Variants in CSMD3 observed in about 807,000 individuals in gnomAD.
CSMD3 encodes the protein CUB and sushi domain-containing protein 3.
In CSMD3, 177 loss-of-function variants were observed where a neutral mutation model predicts 435.2. That is an observed-to-expected ratio of 0.41 (90% CI 0.36 to 0.46). The LOEUF (loss-of-function observed/expected upper bound fraction) is 0.46. Among genes scored for constraint, CSMD3 ranks in the 20% least tolerant of loss-of-function variants. The pLI is 0.34. For synonymous variants in CSMD3, 1,656 were observed against 1,520.5 expected, an observed-to-expected ratio of 1.09 and a Z score of -2.07; for missense variants, 4,265 against 4,504.6, an observed-to-expected ratio of 0.95 and a Z score of 1.52.
intron 1 of CSMD3, among the ~76,000 whole-genome samples, chr8:113,337,532 T>A (rs1382775302): frequency 6.6e-6 from 1 of 152,128 alleles, no homozygotes; most frequent in African/African-American, 2.4e-5. Flanking sequence ...TATTAAAATC[T>A]TAGAAAAATA....
intron 12 of CSMD3, among the ~76,000 whole-genome samples, chr8:112,814,557 T>G (rs1274694164): frequency 6.6e-6 from 1 of 151,750 alleles, no homozygotes; most frequent in Non-Finnish European, 1.5e-5. Flanking sequence ...CCGAGGTGAG[T>G]GGATCACCTG....
chr8:113,394,322 A>G (rs1232034963), intron 1 of CSMD3, among the ~76,000 whole-genome samples: 1 of 152,112 alleles, frequency 6.6e-6, no homozygotes, highest in Non-Finnish European at 1.5e-5. Context: ...GGGAAATATT[A>G]TATCGAATGT....
intron 1 of CSMD3, among the ~76,000 whole-genome samples, chr8:113,325,009 T>G (rs2093974326): frequency 6.6e-6 from 1 of 152,206 alleles, no homozygotes; most frequent in Non-Finnish European, 1.5e-5. Flanking sequence ...TGCCAATTCC[T>G]CCCATTTGGA....
chr8:113,210,093 T>C (rs754687192), intron 3 of CSMD3, among the ~76,000 whole-genome samples: 10 of 151,784 alleles, frequency 6.6e-5, no homozygotes, highest in Non-Finnish European at 1.3e-4. Flanking sequence ...TTTTATGCTC[T>C]TGGATTTTGA....
chr8:112,510,561 A>G (rs949446932), intron 28 of CSMD3, among the ~76,000 whole-genome samples: 1 of 152,148 alleles, frequency 6.6e-6, no homozygotes, highest in Non-Finnish European at 1.5e-5. Context: ...GCACTACTTC[A>G]TCTCTCTCTA....
At chr8:112,948,969 G>A (rs1253405178) in intron 8 of CSMD3, among the ~76,000 whole-genome samples, 1 of 152,006 alleles carries the variant, frequency 6.6e-6, no homozygotes, top group Non-Finnish European at 1.5e-5. Context: ...GTGTGCAGCA[G>A]CACAATCATA....
chr8:112,590,548 A>T (rs1344404566), intron 22 of CSMD3, among the ~76,000 whole-genome samples: 4 of 151,668 alleles, frequency 2.6e-5, no homozygotes, highest in African/African-American at 7.3e-5. Context: ...ATCTCCGAGG[A>T]TGTTTATCTG....
chr8:112,879,839 A>G (rs2081397757), intron 10 of CSMD3, among the ~76,000 whole-genome samples: 1 of 151,954 alleles, frequency 6.6e-6, no homozygotes, highest in African/African-American at 2.4e-5. Context: ...CAAACACCAT[A>G]CGTTCTCACT....
At chr8:112,263,877 T>C in intron 60 of CSMD3, 65 bp from the exon 61 acceptor site, 1 of 1,379,470 alleles carries the variant, frequency 7.2e-7, no homozygotes, top group Non-Finnish European at 1.0e-6. Context: ...AAGATATAAA[T>C]AAATATCATT....
chr8:112,775,670 A>T (rs1213889415), intron 13 of CSMD3, among the ~76,000 whole-genome samples: 1 of 151,894 alleles, frequency 6.6e-6, no homozygotes, highest in African/African-American at 2.4e-5. Context: ...TAAATGTAAG[A>T]TGTGACAAAC....
intron 25 of CSMD3, among the ~76,000 whole-genome samples, chr8:112,554,986 C>T (rs143659036): frequency 6.6e-6 from 1 of 152,018 alleles, no homozygotes; most frequent in African/African-American, 2.4e-5. Context: ...GAGTAGAGAA[C>T]ACCATCTAAA....
At chr8:113,405,514 A>C (rs1161350269) in intron 1 of CSMD3, among the ~76,000 whole-genome samples, 1 of 151,706 alleles carries the variant, frequency 6.6e-6, no homozygotes, top group African/African-American at 2.4e-5. Flanking sequence ...GTGTTTTAAA[A>C]ACCTGGAAAT....
chr8:112,279,562 C>T (rs1818430489), intron 59 of CSMD3, among the ~76,000 whole-genome samples: 1 of 152,062 alleles, frequency 6.6e-6, no homozygotes, highest in Non-Finnish European at 1.5e-5. Context: ...TAATACAGCC[C>T]AACTTAGATT....
At chr8:113,151,319 T>A (rs1390582352) in intron 4 of CSMD3, among the ~76,000 whole-genome samples, 1 of 151,986 alleles carries the variant, frequency 6.6e-6, no homozygotes, top group African/African-American at 2.4e-5. Context: ...TATTACTATC[T>A]TAATTGTATT....
chr8:113,081,116 A>T (rs916481303), intron 5 of CSMD3, among the ~76,000 whole-genome samples: 10 of 152,250 alleles, frequency 6.6e-5, no homozygotes, highest in African/African-American at 2.4e-4. Context: ...TACTGTGAAA[A>T]TGTAAGAAAT....
intron 9 of CSMD3, among the ~76,000 whole-genome samples, chr8:112,931,136 A>T (rs2083093701): frequency 1.3e-5 from 2 of 152,020 alleles, no homozygotes. Context: ...CAAAGCAAAC[A>T]TACCTTAAAT....
intron 27 of CSMD3, among the ~76,000 whole-genome samples, chr8:112,525,792 ATATG>A (rs1824856251): frequency 7.6e-6 from 1 of 132,114 alleles, no homozygotes; most frequent in South Asian, 2.2e-4. Context: ...GTGTATATAT[ATATG>A]TATATATATA....
intron 5 of CSMD3, among the ~76,000 whole-genome samples, chr8:113,076,719 TA>T (rs2089352671): frequency 6.6e-6 from 1 of 151,740 alleles, no homozygotes; most frequent in South Asian, 2.1e-4. Context: ...GGTACAAGGG[TA>T]AAATGGATTC....
At chr8:113,316,635 C>T (rs2093912431) in intron 1 of CSMD3, among the ~76,000 whole-genome samples, 1 of 151,742 alleles carries the variant, frequency 6.6e-6, no homozygotes, top group Non-Finnish European at 1.5e-5. Flanking sequence ...CTGCAACCTC[C>T]CCCTCCTGGG....
Sources: allele counts gnomAD v4.1 joint callset (sites outside exome capture counted in the v4.1 genomes callset), GRCh38; gene constraint gnomAD v4.1.1; transcripts MANE v1.5; gene names NCBI Gene and HGNC (gene_info 2026-07-23, HGNC 2026-07-21).